EIF4E3: variants seen among roughly 807,000 people sequenced by gnomAD.
EIF4E3 encodes eukaryotic translation initiation factor 4E family member 3.
EIF4E3 carries 26 observed loss-of-function variants against 31.7 expected under a neutral mutation model. That is an observed-to-expected ratio of 0.82 (90% CI 0.60 to 1.14). EIF4E3 has a LOEUF of 1.14. Ranked by LOEUF, EIF4E3 falls within the 50% of genes most tolerant of loss-of-function variation. EIF4E3 has a pLI of 0.00. For synonymous variants in EIF4E3, 128 were observed against 107.7 expected (o/e 1.19, Z -1.17); for missense variants, 304 against 270.9 (o/e 1.12, Z -0.86).
In EIF4E3 at chr3:71,680,644, T is replaced by C. The variant is rs982961391; in HGVS notation, c.*4038A>G. 3.3e-5 allele frequency: 5 copies of C among 152,324 alleles called. No homozygotes were observed. The highest frequency in any genetic ancestry group is 2.6e-4 in the Admixed American group (4 of 15,304). The allele number at this position is 152,324 out of a possible 1,614,324, so 9.4% of individuals were successfully genotyped here. A position where few individuals can be genotyped will look rare whatever the true frequency, so the allele number is the denominator to read the frequency against. The stretch of plus-strand genomic sequence containing the variant: ...ATGAAAGGAATCTATTTGGGATTTC[T>C]TCTTGGGAGAAGTAGAGGGGCAACC... On this transcript the variant is annotated 3_prime_UTR_variant, in exon 7 of 7. Coordinates refer to ENST00000425534, the MANE Select transcript of EIF4E3 (RefSeq NM_001134651.2).
chr3:71,700,351 C>G (rs1443096971), intron 2 of EIF4E3, among the ~76,000 whole-genome samples: 1 of 152,136 alleles, frequency 6.6e-6, no homozygotes, highest in African/African-American at 2.4e-5. Context: ...TAGGTAGTAT[C>G]CACTAAAGCC....
intron 1 of EIF4E3, among the ~76,000 whole-genome samples, chr3:71,735,907 A>T (rs1045161308): frequency 6.6e-6 from 1 of 152,228 alleles, no homozygotes; most frequent in Non-Finnish European, 1.5e-5. Context: ...AGTAATTCAA[A>T]TAAAAATACC....
chr3:71,750,622 A>G (rs1042622675), intron 1 of EIF4E3, among the ~76,000 whole-genome samples: 1 of 152,192 alleles, frequency 6.6e-6, no homozygotes, highest in Non-Finnish European at 1.5e-5. Context: ...GATGGACTCT[A>G]AACACAGAGT....
upstream of EIF4E3, among the ~76,000 whole-genome samples, chr3:71,730,238 G>A (rs2049691326): frequency 6.6e-6 from 1 of 152,280 alleles, no homozygotes; most frequent in East Asian, 1.9e-4. Flanking sequence ...GCTTCAGAGT[G>A]AGACTGATCC....
In EIF4E3 at chr3:71,679,118, A is replaced by T. The variant is rs2048895594; in HGVS notation, c.*5564T>A. The T allele has an allele frequency of 1.3e-5, 2 of 152,310 alleles. No homozygotes were observed. The highest frequency in any genetic ancestry group is 4.1e-4 in the South Asian group (2 of 4,832). 9.4% of individuals were successfully genotyped at this position (152,310 alleles called of 1,614,324 possible). A position where few individuals can be genotyped will look rare whatever the true frequency, so the allele number is the denominator to read the frequency against. The stretch of plus-strand genomic sequence containing the variant: ...CTCTATTTGAAAACAGAAACACTGT[A>T]AGTTTATTAAAATGTTCAAAGTCCT... On this transcript the variant is annotated 3_prime_UTR_variant, in exon 7 of 7. Transcript: ENST00000425534.
intron 6 of EIF4E3, among the ~76,000 whole-genome samples, chr3:71,688,887 C>T (rs2049027138): frequency 6.6e-6 from 1 of 152,176 alleles, no homozygotes; most frequent in African/African-American, 2.4e-5. Context: ...AGATCAGTCC[C>T]ACTGCTTAAC....
intron 4 of EIF4E3, among the ~76,000 whole-genome samples, chr3:71,694,478 T>C (rs1250500289): frequency 1.3e-5 from 2 of 152,246 alleles, no homozygotes; most frequent in Non-Finnish European, 2.9e-5. Flanking sequence ...TGGCAGGCGA[T>C]AGAACTTTAT....
intron 1 of EIF4E3, among the ~76,000 whole-genome samples, chr3:71,743,711 G>C (rs2108155017): frequency 6.6e-6 from 1 of 152,154 alleles, no homozygotes; most frequent in East Asian, 1.9e-4. Flanking sequence ...CTGATTTTAA[G>C]GCTTATTATA....
chr3:71,673,554 A>G (rs1241735453), downstream of EIF4E3, among the ~76,000 whole-genome samples: 1 of 152,106 alleles, frequency 6.6e-6, no homozygotes, highest in African/African-American at 2.4e-5. Flanking sequence ...TTTGACTTAA[A>G]AAAAAAAACA....
Position 71,676,839 on chromosome 3 carries a change from C to T in EIF4E3, c.*7843G>A, listed in dbSNP as rs751125315. 19 of 152,206 alleles carry T rather than the reference C, an allele frequency of 1.2e-4. No homozygotes were observed. The highest frequency in any genetic ancestry group is 1.0e-4 in the Non-Finnish European group (7 of 68,020). 9.4% of individuals were successfully genotyped at this position (152,206 alleles called of 1,614,324 possible). ...TTATTTTCGCCTTAAAAAGGGGACA[C>T]GGCTTTAGTGTTTAACCTTCACTTC... On this transcript the variant is annotated 3_prime_UTR_variant, in exon 7 of 7. Coordinates refer to ENST00000425534, the MANE Select transcript of EIF4E3 (RefSeq NM_001134651.2).
At chr3:71,696,275 A>C (rs766369312) in intron 4 of EIF4E3, among the ~76,000 whole-genome samples, 185 bp downstream of exon 4, 6 of 152,242 alleles carry the variant, frequency 3.9e-5, no homozygotes, top group African/African-American at 7.2e-5. Context: ...GAGAAGCACA[A>C]TTATACACTT....
chr3:71,735,271 T>C (rs9844715), intron 1 of EIF4E3, among the ~76,000 whole-genome samples: 105,005 of 152,150 alleles, frequency 0.69, 37,295 homozygotes, highest in East Asian at 1. Flanking sequence ...CAGAGCCTCA[T>C]TCTCATAAAA....
intron 1 of EIF4E3, among the ~76,000 whole-genome samples, chr3:71,752,579 A>T (rs1047181051): frequency 6.6e-6 from 1 of 152,200 alleles, no homozygotes; most frequent in East Asian, 1.9e-4. Flanking sequence ...TGTGGGTGAG[A>T]AACAATGCGT....
intron 3 of EIF4E3, among the ~76,000 whole-genome samples, chr3:71,698,234 A>G (rs2049166908): frequency 6.6e-6 from 1 of 152,226 alleles, no homozygotes; most frequent in South Asian, 2.1e-4. Context: ...TTCAGTGGCT[A>G]CATGGGCAGG....
intron 1 of EIF4E3, among the ~76,000 whole-genome samples, chr3:71,719,394 A>T (rs1578369860): frequency 6.6e-6 from 1 of 152,100 alleles, no homozygotes; most frequent in Admixed American, 6.6e-5. Context: ...CAGGGTGGGG[A>T]GCCTGTATTG....
chr3:71,671,168 G>A (rs975701648), downstream of EIF4E3, among the ~76,000 whole-genome samples: 1 of 152,140 alleles, frequency 6.6e-6, no homozygotes, highest in Non-Finnish European at 1.5e-5. Context: ...GGAATGAGTC[G>A]AAGGCCATAG....
upstream of EIF4E3, chr3:71,754,414 TG>T: frequency 7.4e-7 from 1 of 1,347,546 alleles, no homozygotes; most frequent in Non-Finnish European, 9.6e-7. This position sits in a 1 kb window ranked among gnomAD's most constrained non-coding sequence, Gnocchi z 5.8. Context: ...ACCCGCTACC[TG>T]GCCATCGCGC....
Position 71,686,042 on chromosome 3 carries a change from C to G in EIF4E3, c.629-1314G>C, listed in dbSNP as rs545341721. 3.3e-5 allele frequency among the ~76,000 whole-genome samples: 5 copies of G among 152,252 alleles called. No homozygotes were observed. In the East Asian group the frequency reaches 9.7e-4, roughly 29 times the overall value. On this transcript the variant is annotated intron_variant, in intron 6 of 6. Transcript: ENST00000425534. ...TGTCACCCAGGTTGGAGTGCAGTAG[C>G]ATCATGCTACTCGGCTCACTGCAGC... is the stretch of plus-strand genomic sequence containing the variant.
rs1192990047 is a variant in EIF4E3 at position 71,696,459 on chromosome 3, C to T, written c.405+1G>A. The T allele has an allele frequency of 6.2e-6, 10 of 1,614,010 alleles. No individual in the cohort carries two copies. Among genetic ancestry groups the T allele is most frequent in the East Asian group, 2.2e-5 (1 of 44,892 alleles). On this transcript the variant is annotated splice_donor_variant, in intron 4 of 6. Coordinates refer to ENST00000425534, the MANE Select transcript of EIF4E3 (RefSeq NM_001134651.2). LOFTEE classifies it high-confidence loss of function. The stretch of plus-strand genomic sequence containing the variant: ...CTAGAAGAGGATCAGTAGGAACCTA[C>T]CGTGCTGTCCTTGGGGACTTTCATC...
Sources: gnomAD v4.1 joint callset for allele counts (sites outside exome capture counted in the v4.1 genomes callset) on GRCh38, gnomAD v4.1.1 for gene constraint, Gnocchi (gnomAD v3.1) non-coding constraint, MANE v1.5 for transcripts, NCBI Gene and HGNC (gene_info 2026-07-23, HGNC 2026-07-21) for gene names.